Variants in NAALADL2 observed in about 807,000 individuals in gnomAD.
The protein encoded by NAALADL2 is inactive N-acetylated-alpha-linked acidic dipeptidase-like protein 2.
In NAALADL2, 76 loss-of-function variants were observed where a neutral mutation model predicts 87.2. The observed-to-expected ratio is 0.87, with a 90% CI of 0.72 to 1.05. The LOEUF (loss-of-function observed/expected upper bound fraction) is 1.05. Ranked by LOEUF, NAALADL2 falls within the 50% of genes least tolerant of loss-of-function variation. The pLI is 0.00. For missense variants in NAALADL2, 1,089 were observed against 945.8 expected (o/e 1.15, Z -1.99); for synonymous variants, 354 against 331.0 (o/e 1.07, Z -0.75).
At chr3:174,589,077 C>T (rs1005646462) in intron 2 of NAALADL2, among the ~76,000 whole-genome samples, 3 of 152,138 alleles carry the variant, frequency 2.0e-5, no homozygotes, top group Admixed American at 6.5e-5. Flanking sequence ...TCAGCAATGG[C>T]GGACACCCCT....
At chr3:174,813,010 G>A (rs1720390144) in intron 3 of NAALADL2, among the ~76,000 whole-genome samples, 1 of 152,038 alleles carries the variant, frequency 6.6e-6, no homozygotes, top group Non-Finnish European at 1.5e-5. Flanking sequence ...AATATATTTA[G>A]TGTAGCCCAA....
intron 3 of NAALADL2, among the ~76,000 whole-genome samples, chr3:174,821,300 G>A (rs1024283294): frequency 1.4e-4 from 21 of 151,658 alleles, no homozygotes; most frequent in African/African-American, 5.1e-4. Context: ...ATACTAATAC[G>A]GATGACAATA....
At chr3:174,818,732 T>C (rs940058) in intron 3 of NAALADL2, among the ~76,000 whole-genome samples, 14,806 of 152,078 alleles carry the variant, frequency 0.097, 850 homozygotes, top group African/African-American at 0.14. Flanking sequence ...CCATTGATAG[T>C]GCACACTCAA....
chr3:174,549,707 T>C (rs1711886350), intron 1 of NAALADL2, among the ~76,000 whole-genome samples: 2 of 152,134 alleles, frequency 1.3e-5, no homozygotes, highest in Admixed American at 6.5e-5. Flanking sequence ...AGGTAATCAT[T>C]GGCTTTTAAA....
chr3:174,828,199 A>G (rs762745649), intron 3 of NAALADL2, among the ~76,000 whole-genome samples: 17 of 135,272 alleles, frequency 1.3e-4, no homozygotes, highest in Non-Finnish European at 1.9e-4. Flanking sequence ...CACAACAAAG[A>G]TTCTCTCAAT....
Position 175,095,571 on chromosome 3 carries a change from A to G in NAALADL2, c.44-1219A>G, listed in dbSNP as rs149971646. 4.0e-3 allele frequency among the ~76,000 whole-genome samples: 603 copies of G among 152,230 alleles called. 5 individuals carry two copies. The highest frequency in any genetic ancestry group is 0.014 in the African/African-American group (569 of 41,572). ...TATATTTGAATTTTCTTAAAAATTT[A>G]GGAAATTTTAATTATATGGGCCTCA... On this transcript the variant is annotated intron_variant, in intron 1 of 13. Transcript: ENST00000454872.
chr3:175,459,842 T>C (rs1560585425), intron 6 of NAALADL2, among the ~76,000 whole-genome samples: 1 of 152,290 alleles, frequency 6.6e-6, no homozygotes, highest in East Asian at 1.9e-4. Flanking sequence ...AATCTCTCCT[T>C]TTTCATAGTT....
rs1181777352 is a variant in NAALADL2, at chr3:175,132,608, G to A, written c.545+35317G>A. Among the ~76,000 whole-genome samples, 12 of 117,972 alleles carry A rather than the reference G, an allele frequency of 1.0e-4. No homozygotes were observed. The South Asian group carries it at 2.1e-3, about 21-fold the overall frequency. The allele number at this position is 117,972 out of a possible 152,430, so 77.4% of individuals were successfully genotyped here. On this transcript the variant is annotated intron_variant, in intron 2 of 13. Transcript: ENST00000454872. ...AGACGGGGCGGCTGGCCGGGCAGGG[G>A]GCTGACCCCCCCACCTCCCTCCCGG...
chr3:175,527,313 C>T (rs748543559), intron 9 of NAALADL2, among the ~76,000 whole-genome samples: 11 of 152,096 alleles, frequency 7.2e-5, no homozygotes, highest in Admixed American at 2.0e-4. Context: ...TAGCTATAGA[C>T]GGATAGTAAA....
intron 4 of NAALADL2, among the ~76,000 whole-genome samples, chr3:175,311,679 G>GCTTC (rs556747556): frequency 5.1e-5 from 6 of 116,552 alleles, no homozygotes; most frequent in Admixed American, 4.8e-4. Flanking sequence ...TTCCTTTCCT[G>GCTTC]CTTCCTTCCT....
At chr3:174,498,027 A>C (rs1215886402) in intron 1 of NAALADL2, among the ~76,000 whole-genome samples, 8 of 152,156 alleles carry the variant, frequency 5.3e-5, no homozygotes, top group Admixed American at 5.2e-4. Flanking sequence ...AATTTTTAAC[A>C]GCTTTAATGA....
intron 5 of NAALADL2, among the ~76,000 whole-genome samples, chr3:175,437,267 T>C (rs1432684052): frequency 6.8e-6 from 1 of 147,574 alleles, no homozygotes; most frequent in Non-Finnish European, 1.5e-5. Flanking sequence ...GGATACAAAA[T>C]CAATGTACAA....
intron 10 of NAALADL2, among the ~76,000 whole-genome samples, chr3:175,607,524 A>G (rs1308224096): frequency 2.0e-5 from 3 of 151,210 alleles, no homozygotes; most frequent in Non-Finnish European, 4.4e-5. Flanking sequence ...CAAAGGCAAT[A>G]GAGTATACAG....
intron 3 of NAALADL2, among the ~76,000 whole-genome samples, chr3:174,813,105 C>G (rs1230495986): frequency 6.6e-6 from 1 of 152,132 alleles, no homozygotes; most frequent in Non-Finnish European, 1.5e-5. Flanking sequence ...CTCACCAGAA[C>G]AACTTCCAGT....
At chr3:174,532,184 A>G (rs60046154) in intron 1 of NAALADL2, among the ~76,000 whole-genome samples, 7,711 of 152,196 alleles carry the variant, frequency 0.051, 681 homozygotes, top group African/African-American at 0.18. Flanking sequence ...TGGGGGAAGG[A>G]GAAGGGGAAG....
At chr3:174,792,763 C>A (rs2109209454) in intron 3 of NAALADL2, among the ~76,000 whole-genome samples, 1 of 152,226 alleles carries the variant, frequency 6.6e-6, no homozygotes, top group South Asian at 2.1e-4. Flanking sequence ...TGAACAAAAT[C>A]TGACAGTATT....
intron 10 of NAALADL2, among the ~76,000 whole-genome samples, chr3:175,625,104 T>G (rs1726797717): frequency 6.6e-6 from 1 of 152,008 alleles, no homozygotes; most frequent in Non-Finnish European, 1.5e-5. Flanking sequence ...AGAAGTGCCT[T>G]GAATATTTTG....
intron 12 of NAALADL2, among the ~76,000 whole-genome samples, chr3:175,750,569 G>C (rs1415170492): frequency 6.6e-6 from 1 of 152,146 alleles, no homozygotes; most frequent in Admixed American, 6.5e-5. Context: ...AAGGGATGAG[G>C]CTGGAAAGAC....
At chr3:174,699,613 A>G (rs1014390126) in intron 2 of NAALADL2, among the ~76,000 whole-genome samples, 1 of 152,176 alleles carries the variant, frequency 6.6e-6, no homozygotes, top group Non-Finnish European at 1.5e-5. Flanking sequence ...AATTTTTGAT[A>G]ACAAAATGTT....
Sources: gnomAD v4.1 joint callset for allele counts (sites outside exome capture counted in the v4.1 genomes callset) on GRCh38, gnomAD v4.1.1 for gene constraint, MANE v1.5 for transcripts, NCBI Gene and HGNC (gene_info 2026-07-23, HGNC 2026-07-21) for gene names.